PRPSAP1: variants seen among roughly 807,000 people sequenced by gnomAD.
PRPSAP1 encodes phosphoribosyl pyrophosphate synthetase associated protein 1, also known as phosphoribosyl pyrophosphate synthase-associated protein 1.
PRPSAP1 carries 31 observed loss-of-function variants against 39.4 expected under a neutral mutation model. That is an observed-to-expected ratio of 0.79 (90% CI 0.59 to 1.06). The LOEUF is 1.06. PRPSAP1 is among the 50% of genes least tolerant of loss of function. The probability of loss-of-function intolerance (pLI) is 0.00; values close to 1 mark genes in which losing one functional copy is unlikely to be tolerated. For missense variants in PRPSAP1, 430 were observed against 511.6 expected (o/e 0.84, Z 1.54); for synonymous variants, 212 against 192.6 (o/e 1.10, Z -0.83).
At chr17:76,329,072 A>C in intron 6 of PRPSAP1, 1 of 511,318 alleles carries the variant, frequency 2.0e-6, no homozygotes, top group Non-Finnish European at 3.2e-6. Flanking sequence ...CTGATTCTAG[A>C]CATTTTTTTT....
chr17:76,342,345 A>G (rs192922695), intron 3 of PRPSAP1, among the ~76,000 whole-genome samples: 8 of 152,296 alleles, frequency 5.3e-5, no homozygotes, highest in Admixed American at 3.9e-4. Flanking sequence ...TGAAAGAGCC[A>G]TCACGGTGAA....
intron 7 of PRPSAP1, among the ~76,000 whole-genome samples, chr17:76,322,822 C>T (rs2071212153): frequency 1.3e-5 from 2 of 151,908 alleles, no homozygotes; most frequent in African/African-American, 4.8e-5. Flanking sequence ...TCCGTCTCCA[C>T]AAAAAATACA....
At position 76,340,585 on chromosome 17, in the gene PRPSAP1, G is replaced by A. The variant is rs140679960; in HGVS notation, c.290+4086C>T. ...CTAACAATATGCTGTTTCTATGCTC[G>A]ACTAGTTTGAAATAACCATGAACGG... On this transcript the variant is annotated intron_variant, in intron 3 of 9. Transcript: ENST00000446526. Among the ~76,000 whole-genome samples the A allele has an allele frequency of 5.4e-4, 81 of 150,910 alleles. 1 individual carries two copies. The highest frequency in any genetic ancestry group is 2.0e-3 in the African/African-American group (80 of 40,278).
At chr17:76,316,538 A>C (rs1001388448) in intron 7 of PRPSAP1, among the ~76,000 whole-genome samples, 5 of 152,234 alleles carry the variant, frequency 3.3e-5, no homozygotes, top group African/African-American at 1.2e-4. Flanking sequence ...ACAGGCCAAC[A>C]GTTTTTGAAT....
At position 76,311,224 on chromosome 17, in the gene PRPSAP1, TAG is replaced by T. The variant is rs1474686664; in HGVS notation, c.*316_*317del. The T allele has an allele frequency of 7.3e-5, 14 of 190,818 alleles. No homozygotes were observed. Among genetic ancestry groups the T allele is most frequent in the African/African-American group, 2.8e-4 (12 of 42,824 alleles). The allele number at this position is 190,818 out of a possible 1,614,324, so 11.8% of individuals were successfully genotyped here. A position where few individuals can be genotyped will look rare whatever the true frequency, so the allele number is the denominator to read the frequency against. ...AGCTGAAACAACTAAATGAACATTA[TAG>T]AGTTAAGACTTTATGTGCCTTTAAC... On this transcript the variant is annotated 3_prime_UTR_variant, in exon 10 of 10. Transcript: ENST00000446526.
At chr17:76,323,341 CAA>C (rs897060063) in intron 7 of PRPSAP1, among the ~76,000 whole-genome samples, 5 of 132,342 alleles carry the variant, frequency 3.8e-5, no homozygotes, top group Admixed American at 7.7e-5. Flanking sequence ...GACTCTGTAT[CAA>C]AAAAAAAAAA....
intron 5 of PRPSAP1, 100 bp downstream of exon 5, chr17:76,330,451 G>A: frequency 3.5e-6 from 3 of 849,096 alleles, no homozygotes; most frequent in Non-Finnish European, 5.5e-6. Context: ...TTAAGGGAGA[G>A]CTCATTTGAT....
intron 7 of PRPSAP1, among the ~76,000 whole-genome samples, chr17:76,323,234 C>T (rs1237143078): frequency 2.0e-5 from 3 of 147,168 alleles, no homozygotes; most frequent in Non-Finnish European, 3.0e-5. Flanking sequence ...CCCAGAAACT[C>T]GAGAGAATGA....
chr17:76,320,619 G>A (rs2071186635), intron 7 of PRPSAP1, among the ~76,000 whole-genome samples: 1 of 146,676 alleles, frequency 6.8e-6, no homozygotes, highest in South Asian at 2.2e-4. Context: ...ATTTCTAGTA[G>A]AGACAGGGTT....
rs35037723 is a variant in PRPSAP1 at position 76,310,471 on chromosome 17, GT to G, written c.*1070del. Reference sequence around the variant, plus strand: ...AGGCATAAGACACGATCCCTGGCCTGTTTTTTTTTTTTGAGACAGGGTGTTG... The same window carrying G: ...AGGCATAAGACACGATCCCTGGCCTGTTTTTTTTTTTGAGACAGGGTGTTG... On this transcript the variant is annotated 3_prime_UTR_variant, in exon 10 of 10. Transcript: ENST00000446526. 0.11 allele frequency: 15,708 copies of G among 145,654 alleles called. 1,818 individuals are homozygous for G. Among genetic ancestry groups the G allele is most frequent in the African/African-American group, 0.3 (12,068 of 40,004 alleles). The allele number at this position is 145,654 out of a possible 1,614,324, so 9.0% of individuals were successfully genotyped here.
intron 7 of PRPSAP1, among the ~76,000 whole-genome samples, chr17:76,326,952 A>G (rs1486085029): frequency 1.3e-5 from 2 of 152,176 alleles, no homozygotes; most frequent in Non-Finnish European, 2.9e-5. Flanking sequence ...CCCCATGTAT[A>G]TAAATGTTAA....
chr17:76,329,937 A>C, intron 6 of PRPSAP1, 106 bp downstream of exon 6: 7 of 991,730 alleles, frequency 7.1e-6, no homozygotes, highest in Non-Finnish European at 1.1e-5. Context: ...CATGAGAGCC[A>C]GTGGGCTTTC....
At chr17:76,341,234 G>GTTTTTTTTTTTT (rs5822126) in intron 3 of PRPSAP1, among the ~76,000 whole-genome samples, 1 of 119,976 alleles carries the variant, frequency 8.3e-6, no homozygotes, top group Non-Finnish European at 1.7e-5. Context: ...ACTTTTTTTT[G>GTTTTTTTTTTTT]TTTTTTTTTT....
Position 76,353,900 on chromosome 17 carries a change from G to C in PRPSAP1, c.-197C>G. 7.5e-7 allele frequency: 1 copy of C among 1,332,486 alleles called. No homozygotes were observed. Among genetic ancestry groups the C allele is most frequent in the Non-Finnish European group, 9.5e-7 (1 of 1,047,326 alleles). 82.5% of individuals were successfully genotyped at this position (1,332,486 alleles called of 1,614,324 possible). On this transcript the variant is annotated 5_prime_UTR_variant, in exon 1 of 10. Transcript: ENST00000446526. Reference sequence around the variant, plus strand: ...AGCCTTCGCAGCGCCCGGCGCCGCCGCCTCAGAGCCAGAGGCAAGGCCACC... The same window carrying C: ...AGCCTTCGCAGCGCCCGGCGCCGCCCCCTCAGAGCCAGAGGCAAGGCCACC...
At chr17:76,334,037 C>G (rs935038175) in intron 3 of PRPSAP1, among the ~76,000 whole-genome samples, 1 of 152,186 alleles carries the variant, frequency 6.6e-6, no homozygotes, top group South Asian at 2.1e-4. Flanking sequence ...TACAGGCATG[C>G]GCCACCATTC....
At chr17:76,328,671 C>G in intron 7 of PRPSAP1, 46 bp downstream of exon 7, 1 of 1,585,362 alleles carries the variant, frequency 6.3e-7, no homozygotes, top group Non-Finnish European at 8.6e-7. Context: ...CAAAAAAAAA[C>G]TTTCTTCAAT....
intron 7 of PRPSAP1, among the ~76,000 whole-genome samples, chr17:76,324,825 G>A (rs2071234624): frequency 2.0e-5 from 3 of 151,802 alleles, no homozygotes; most frequent in South Asian, 4.2e-4. Flanking sequence ...ACTTTGGGAG[G>A]CCAAGGCGGG....
intron 6 of PRPSAP1, 50 bp from the exon 7 acceptor site, chr17:76,328,912 A>G: frequency 6.4e-7 from 1 of 1,550,936 alleles, no homozygotes; most frequent in Non-Finnish European, 8.8e-7. Context: ...AATCCCACGC[A>G]TCACTACGGC....
At chr17:76,331,350 C>T (rs1224229941) in intron 4 of PRPSAP1, among the ~76,000 whole-genome samples, 2 of 152,164 alleles carry the variant, frequency 1.3e-5, no homozygotes, top group Non-Finnish European at 2.9e-5. Context: ...AATTCACATA[C>T]AGTTGACCAT....
Sources: gnomAD v4.1 joint callset for allele counts (sites outside exome capture counted in the v4.1 genomes callset) on GRCh38, gnomAD v4.1.1 for gene constraint, MANE v1.5 for transcripts, NCBI Gene and HGNC (gene_info 2026-07-23, HGNC 2026-07-21) for gene names.